The following TMTC1 variants were observed in gnomAD, a reference collection of about 807,000 sequenced individuals.
TMTC1 encodes the protein transmembrane O-mannosyltransferase targeting cadherins 1.
In TMTC1, 73 loss-of-function variants were observed where a neutral mutation model predicts 104.8. The ratio of observed to expected loss-of-function variants is 0.70; its 90% CI spans 0.58 to 0.85. TMTC1 has a LOEUF of 0.85. Among genes scored for constraint, TMTC1 ranks in the 40% least tolerant of loss-of-function variants. The pLI is 0.00. For synonymous variants in TMTC1, 434 were observed against 428.7 expected (o/e 1.01, Z -0.15); for missense variants, 1,035 against 1,096.1 (o/e 0.94, Z 0.79).
chr12:29,611,425 A>T (rs1946844233), intron 6 of TMTC1, among the ~76,000 whole-genome samples: 1 of 152,336 alleles, frequency 6.6e-6, no homozygotes, highest in South Asian at 2.1e-4. Context: ...TAAAATGTTT[A>T]AAAAATAAAA....
chr12:29,727,100 C>T (rs1241299611), intron 5 of TMTC1, among the ~76,000 whole-genome samples: 1 of 152,194 alleles, frequency 6.6e-6, no homozygotes, highest in African/African-American at 2.4e-5. Flanking sequence ...AAAACCATAA[C>T]ACACAATGTC....
chr12:29,712,826 G>A (rs1375379861), intron 5 of TMTC1, among the ~76,000 whole-genome samples: 2 of 152,178 alleles, frequency 1.3e-5, no homozygotes, highest in African/African-American at 4.8e-5. Flanking sequence ...GTAGTTTCTT[G>A]AAGCTTATTG....
intron 5 of TMTC1, among the ~76,000 whole-genome samples, chr12:29,714,572 C>A (rs1942025867): frequency 6.6e-6 from 1 of 152,166 alleles, no homozygotes; most frequent in African/African-American, 2.4e-5. Flanking sequence ...GGCAAATTAT[C>A]CACACAGTAA....
At chr12:29,685,930 T>TA (rs74950953) in intron 5 of TMTC1, among the ~76,000 whole-genome samples, 1,872 of 129,148 alleles carry the variant, frequency 0.014, 40 homozygotes, top group African/African-American at 0.04. Flanking sequence ...GCAAGATTGT[T>TA]AAAAAAAAAA....
intron 5 of TMTC1, among the ~76,000 whole-genome samples, chr12:29,646,495 T>C (rs2136577780): frequency 6.6e-6 from 1 of 152,322 alleles, no homozygotes; most frequent in Middle Eastern, 3.4e-3. Flanking sequence ...GAGATAGTTT[T>C]CTTCAACAAA....
intron 7 of TMTC1, among the ~76,000 whole-genome samples, chr12:29,599,968 ATGTGTG>A (rs113537256): frequency 7.6e-6 from 1 of 131,258 alleles, no homozygotes; most frequent in Non-Finnish European, 1.5e-5. Flanking sequence ...GTATATATAT[ATGTGTG>A]TGTGTGTGTG....
chr12:29,526,393 C>T (rs1282785622), intron 11 of TMTC1, among the ~76,000 whole-genome samples: 1 of 152,086 alleles, frequency 6.6e-6, no homozygotes, highest in Non-Finnish European at 1.5e-5. Context: ...TTAGGTGGGC[C>T]ATCATAGGTA....
At chr12:29,605,805 C>A (rs572149163) in intron 6 of TMTC1, among the ~76,000 whole-genome samples, 1 of 152,204 alleles carries the variant, frequency 6.6e-6, no homozygotes, top group South Asian at 2.1e-4. Flanking sequence ...ATTGTTTCTG[C>A]CACCCAGAGA....
intron 7 of TMTC1, among the ~76,000 whole-genome samples, chr12:29,584,508 T>C (rs1013557848): frequency 5.3e-5 from 8 of 152,154 alleles, no homozygotes; most frequent in Non-Finnish European, 8.8e-5. Context: ...TTGTTACATA[T>C]GTATACATGT....
At chr12:29,688,638 T>C (rs1426120196) in intron 5 of TMTC1, among the ~76,000 whole-genome samples, 1 of 152,208 alleles carries the variant, frequency 6.6e-6, no homozygotes, top group Non-Finnish European at 1.5e-5. Flanking sequence ...ATGCCTGAGT[T>C]ATGTGATATA....
chr12:29,771,154 A>T (rs1943586510), intron 1 of TMTC1, among the ~76,000 whole-genome samples: 2 of 152,206 alleles, frequency 1.3e-5, no homozygotes, highest in Non-Finnish European at 2.9e-5. Context: ...TATACAGTGT[A>T]TACTTATCAA....
At chr12:29,668,096 T>C (rs75605522) in intron 5 of TMTC1, among the ~76,000 whole-genome samples, 241 of 152,380 alleles carry the variant, frequency 1.6e-3, no homozygotes, top group African/African-American at 5.6e-3. Context: ...TTAAACTGCA[T>C]TTCTGCATGT....
chr12:29,722,072 T>C (rs1591975043), intron 5 of TMTC1, among the ~76,000 whole-genome samples: 1 of 152,292 alleles, frequency 6.6e-6, no homozygotes, highest in Admixed American at 6.5e-5. Flanking sequence ...GAAAACTCCA[T>C]TGTGCATTCA....
chr12:29,697,225 G>A (rs1211519876), intron 5 of TMTC1, among the ~76,000 whole-genome samples: 1 of 152,178 alleles, frequency 6.6e-6, no homozygotes, highest in African/African-American at 2.4e-5. Flanking sequence ...CATACTAGCT[G>A]AATTTCACTT....
intron 5 of TMTC1, among the ~76,000 whole-genome samples, chr12:29,650,188 C>T (rs1271807254): frequency 6.6e-6 from 1 of 151,702 alleles, no homozygotes; most frequent in Non-Finnish European, 1.5e-5. Flanking sequence ...AGGTTCAAGC[C>T]ATTCTCCTGC....
At chr12:29,747,488 T>C (rs1357203839) in intron 5 of TMTC1, among the ~76,000 whole-genome samples, 1 of 152,192 alleles carries the variant, frequency 6.6e-6, no homozygotes, top group South Asian at 2.1e-4. Context: ...TTTCCCTGTA[T>C]TAGATAACTT....
chr12:29,631,698 G>A (rs966418445), intron 6 of TMTC1, among the ~76,000 whole-genome samples: 15 of 152,174 alleles, frequency 9.9e-5, no homozygotes, highest in Non-Finnish European at 1.8e-4. Context: ...TAGGGACCCT[G>A]GATTCTATTT....
chr12:29,668,977 C>T (rs1437827895), intron 5 of TMTC1, among the ~76,000 whole-genome samples: 3 of 152,080 alleles, frequency 2.0e-5, no homozygotes, highest in African/African-American at 7.2e-5. Flanking sequence ...CTCAGAAATT[C>T]TAAGTGAGAA....
Position 29,628,145 on chromosome 12 carries a change from T to C in TMTC1, c.1128+5002A>G, listed in dbSNP as rs558579378. Among the ~76,000 whole-genome samples the C allele has an allele frequency of 7.4e-4, 112 of 152,366 alleles. No homozygotes were observed. The Middle Eastern group carries it at 0.027, about 37-fold the overall frequency. On this transcript the variant is annotated intron_variant, in intron 6 of 17. Transcript: ENST00000539277. Reference sequence around the variant, plus strand: ...ATTCTTTATGAGGGCATCTGTGACATGTAAAACTTGTATTACATAAATGTG... The same window carrying C: ...ATTCTTTATGAGGGCATCTGTGACACGTAAAACTTGTATTACATAAATGTG...
Sources: gnomAD v4.1 joint callset for allele counts (sites outside exome capture counted in the v4.1 genomes callset) on GRCh38, gnomAD v4.1.1 for gene constraint, MANE v1.5 for transcripts, NCBI Gene and HGNC (gene_info 2026-07-23, HGNC 2026-07-21) for gene names.